Variants in EPB41L4A observed in about 807,000 individuals in gnomAD.
EPB41L4A encodes erythrocyte membrane protein band 4.1 like 4A.
Under a neutral mutation model 108.6 loss-of-function variants are expected in EPB41L4A, and 100 were observed. That is an observed-to-expected ratio of 0.92 (90% CI 0.78 to 1.09). EPB41L4A has a LOEUF of 1.09. Among genes scored for constraint, EPB41L4A ranks in the 50% least tolerant of loss-of-function variants. EPB41L4A has a pLI of 0.00. For missense variants in EPB41L4A, 1,030 were observed against 842.7 expected (o/e 1.22, Z -2.75); for synonymous variants, 319 against 289.0 (o/e 1.10, Z -1.05).
At position 112,393,060 on chromosome 5, in the gene EPB41L4A, G is replaced by A. The variant is rs374552722; in HGVS notation, c.99+25881C>T. Among the ~76,000 whole-genome samples the A allele has an allele frequency of 8.5e-4, 129 of 152,194 alleles. 3 individuals are homozygous for A. The South Asian group carries it at 0.025, about 29-fold the overall frequency. ...AAACCAATGAGAACAAAGACACAACGTACCACAATCTCTGGGACACATTTA... is the reference window on the plus strand; with the variant it reads ...AAACCAATGAGAACAAAGACACAACATACCACAATCTCTGGGACACATTTA... On this transcript the variant is annotated intron_variant, in intron 1 of 22. Transcript: ENST00000261486.
At chr5:112,267,086 T>C (rs921724683) in intron 4 of EPB41L4A, among the ~76,000 whole-genome samples, 2 of 152,190 alleles carry the variant, frequency 1.3e-5, no homozygotes, top group Non-Finnish European at 2.9e-5. Flanking sequence ...CAGGATGTCA[T>C]GTAACTTTGA....
intron 2 of EPB41L4A, among the ~76,000 whole-genome samples, chr5:112,287,817 T>C (rs1249736351): frequency 6.6e-6 from 1 of 152,144 alleles, no homozygotes; most frequent in Non-Finnish European, 1.5e-5. Flanking sequence ...GAATAAAAAA[T>C]GTACCAAACG....
intron 18 of EPB41L4A, among the ~76,000 whole-genome samples, chr5:112,172,307 T>G (rs1760624423): frequency 6.6e-6 from 1 of 152,044 alleles, no homozygotes; most frequent in Non-Finnish European, 1.5e-5. Flanking sequence ...GGTCAGGAGT[T>G]CAAAACCAGC....
At chr5:112,186,446 T>A (rs752346337) in intron 17 of EPB41L4A, among the ~76,000 whole-genome samples, 25 of 152,214 alleles carry the variant, frequency 1.6e-4, no homozygotes, top group African/African-American at 5.3e-4. Context: ...CCTGCTATAA[T>A]AGTAATAAGG....
chr5:112,362,289 T>TC (rs1205166867), intron 1 of EPB41L4A, among the ~76,000 whole-genome samples: 3 of 150,886 alleles, frequency 2.0e-5, no homozygotes, highest in Non-Finnish European at 4.4e-5. Flanking sequence ...AATGTTTTTT[T>TC]TTTTTTTTTG....
chr5:112,324,495 C>T (rs1046247146), intron 1 of EPB41L4A, among the ~76,000 whole-genome samples: 7 of 152,022 alleles, frequency 4.6e-5, no homozygotes, highest in African/African-American at 1.4e-4. Context: ...GAGGCCGAGG[C>T]GGGCAGATCA....
chr5:112,366,620 C>T (rs866566443), intron 1 of EPB41L4A, among the ~76,000 whole-genome samples: 13 of 152,020 alleles, frequency 8.6e-5, no homozygotes, highest in African/African-American at 2.7e-4. Context: ...AATAAGCACC[C>T]TAACCTCACT....
At chr5:112,414,111 G>A (rs947217292) in intron 1 of EPB41L4A, among the ~76,000 whole-genome samples, 3 of 152,134 alleles carry the variant, frequency 2.0e-5, no homozygotes, top group Non-Finnish European at 2.9e-5. Flanking sequence ...TTTAAACCCA[G>A]GTAATCTGAC....
chr5:112,393,373 A>G (rs1375425202), intron 1 of EPB41L4A, among the ~76,000 whole-genome samples: 1 of 152,190 alleles, frequency 6.6e-6, no homozygotes, highest in Non-Finnish European at 1.5e-5. Context: ...AAGAGAGAAG[A>G]ATCAAACAGA....
chr5:112,322,699 GACAC>G (rs111502535), intron 1 of EPB41L4A, among the ~76,000 whole-genome samples: 2,919 of 145,902 alleles, frequency 0.02, 85 homozygotes, highest in African/African-American at 0.066. Flanking sequence ...TCCACTATGA[GACAC>G]ACACACACAC....
At chr5:112,212,579 G>C (rs1747267970) in intron 12 of EPB41L4A, among the ~76,000 whole-genome samples, 1 of 152,164 alleles carries the variant, frequency 6.6e-6, no homozygotes, top group South Asian at 2.1e-4. Context: ...ACAGGTGTGA[G>C]CCACTGTGCC....
At chr5:112,227,201 G>T (rs1748522620) in intron 12 of EPB41L4A, among the ~76,000 whole-genome samples, 1 of 152,110 alleles carries the variant, frequency 6.6e-6, no homozygotes, top group Non-Finnish European at 1.5e-5. Context: ...ATTTAAGTGA[G>T]AGTGTCCAAT....
intron 2 of EPB41L4A, among the ~76,000 whole-genome samples, chr5:112,293,463 C>A (rs887122037): frequency 1.3e-5 from 2 of 152,148 alleles, no homozygotes; most frequent in African/African-American, 4.8e-5. Context: ...CTTCACCTCC[C>A]TAAACCTAGA....
At chr5:112,354,381 A>G (rs542726675) in intron 1 of EPB41L4A, among the ~76,000 whole-genome samples, 17 of 152,164 alleles carry the variant, frequency 1.1e-4, no homozygotes, top group Non-Finnish European at 1.8e-4. Context: ...AAATAATGCA[A>G]TAAGTAATAA....
chr5:112,245,824 C>T (rs766546702), intron 9 of EPB41L4A, among the ~76,000 whole-genome samples: 5 of 152,208 alleles, frequency 3.3e-5, no homozygotes, highest in South Asian at 2.1e-4. Context: ...ACTGCAAAGA[C>T]GCTCCTGAAG....
At chr5:112,211,441 G>T (rs1281406030) in intron 12 of EPB41L4A, among the ~76,000 whole-genome samples, 1 of 152,272 alleles carries the variant, frequency 6.6e-6, no homozygotes, top group Admixed American at 6.5e-5. Flanking sequence ...AATTAGCTGG[G>T]CATGGTGGCG....
intron 15 of EPB41L4A, among the ~76,000 whole-genome samples, chr5:112,196,422 C>G (rs1431560975): frequency 1.3e-5 from 2 of 152,216 alleles, no homozygotes; most frequent in African/African-American, 2.4e-5. Context: ...ACACTAGGAC[C>G]TGGGCCATTG....
intron 12 of EPB41L4A, among the ~76,000 whole-genome samples, chr5:112,227,646 C>T (rs549113965): frequency 6.6e-6 from 1 of 152,302 alleles, no homozygotes; most frequent in East Asian, 1.9e-4. Flanking sequence ...TCAGATAACT[C>T]ACCTTTCCTC....
At chr5:112,332,577 T>C (rs895594496) in intron 1 of EPB41L4A, among the ~76,000 whole-genome samples, 6 of 152,202 alleles carry the variant, frequency 3.9e-5, no homozygotes, top group Admixed American at 3.3e-4. Flanking sequence ...CTCCCCAACC[T>C]GGACAATGAT....
Sources: allele counts gnomAD v4.1 joint callset (sites outside exome capture counted in the v4.1 genomes callset), GRCh38; gene constraint gnomAD v4.1.1; transcripts MANE v1.5; gene names NCBI Gene and HGNC (gene_info 2026-07-23, HGNC 2026-07-21).